AGTPBP1: variants seen among roughly 807,000 people sequenced by gnomAD.
AGTPBP1 encodes the protein cytosolic carboxypeptidase 1.
Under a neutral mutation model 143.9 loss-of-function variants are expected in AGTPBP1, and 70 were observed. The ratio of observed to expected loss-of-function variants is 0.49; its 90% confidence interval spans 0.40 to 0.59. The LOEUF (loss-of-function observed/expected upper bound fraction) is 0.59. Ranked by LOEUF, AGTPBP1 falls within the 20% of genes least tolerant of loss-of-function variation. The pLI, the probability that AGTPBP1 is intolerant of heterozygous loss-of-function variation, is 0.00. For missense variants in AGTPBP1, 1,229 were observed against 1,464.5 expected (o/e 0.84, Z 2.62); for synonymous variants, 463 against 500.2 (o/e 0.93, Z 0.99).
chr9:85,762,182 A>T, the AGTPBP1 span, among the ~76,000 whole-genome samples: 2 of 152,132 alleles, frequency 1.3e-5, no homozygotes, highest in African/African-American at 4.8e-5. Flanking sequence ...GGGACTGTAA[A>T]CTAGTTCAAC....
chr9:85,581,175 C>T (rs998579314), intron 23 of AGTPBP1, among the ~76,000 whole-genome samples: 2 of 152,272 alleles, frequency 1.3e-5, no homozygotes, highest in Middle Eastern at 3.4e-3. Flanking sequence ...CTAAGAGCTG[C>T]AGTAGGTTAC....
chr9:85,748,528 A>G, the AGTPBP1 span, among the ~76,000 whole-genome samples: 3 of 152,130 alleles, frequency 2.0e-5, no homozygotes, highest in African/African-American at 7.2e-5. Flanking sequence ...TGAATTAATG[A>G]TCTTCCTTAC....
chr9:85,670,081 G>A (rs1396641246), intron 7 of AGTPBP1, among the ~76,000 whole-genome samples: 1 of 152,168 alleles, frequency 6.6e-6, no homozygotes, highest in Non-Finnish European at 1.5e-5. Context: ...ATGATGCCTA[G>A]GCTCAGTCTT....
At chr9:85,706,367 C>T (rs532195198) in intron 2 of AGTPBP1, among the ~76,000 whole-genome samples, 2 of 151,538 alleles carry the variant, frequency 1.3e-5, no homozygotes, top group South Asian at 4.2e-4. Context: ...AAAAACTAGC[C>T]AGGCATCGTG....
At chr9:85,584,575 C>G (rs1386239305) in intron 23 of AGTPBP1, among the ~76,000 whole-genome samples, 1 of 152,074 alleles carries the variant, frequency 6.6e-6, no homozygotes, top group Non-Finnish European at 1.5e-5. Flanking sequence ...AGGCTTTGCT[C>G]CACAAAGTTT....
At chr9:85,573,467 C>T (rs1210254637) in intron 25 of AGTPBP1, among the ~76,000 whole-genome samples, 1 of 152,180 alleles carries the variant, frequency 6.6e-6, no homozygotes, top group Non-Finnish European at 1.5e-5. Flanking sequence ...CCTCCACCTC[C>T]CAGCCGCCTG....
Position 85,736,325 on chromosome 9 carries a change from C to A in AGTPBP1, c.-34+5450G>T, listed in dbSNP as rs570978505. On this transcript the variant is annotated intron_variant, in intron 1 of 25. Transcript: ENST00000357081. ...AATTTTTTAACTGGCACATAATAAT[C>A]ATATGTATTTATGAGGCACAGTGAT... Among the ~76,000 whole-genome samples the A allele has an allele frequency of 5.9e-5, 9 of 152,222 alleles. No homozygotes were observed. The South Asian group carries it at 1.9e-3, about 32-fold the overall frequency.
rs1194591463 is a variant in AGTPBP1 at position 85,586,731 on chromosome 9, T to C, written c.3033+100A>G. 3.8e-6 allele frequency: 5 copies of C among 1,314,646 alleles called. No homozygotes were observed. The African/African-American group carries it at 7.3e-5, about 19-fold the overall frequency. 81.4% of individuals were successfully genotyped at this position (1,314,646 alleles called of 1,614,324 possible). A position where few individuals can be genotyped will look rare whatever the true frequency, so the allele number is the denominator to read the frequency against. ...TATAAAATTAAGACAACTAACATAA[T>C]GCATTAATTTGACCTCATGATTATC... On this transcript the variant is annotated intron_variant, in intron 22 of 25. Transcript: ENST00000357081.
At position 85,572,004 on chromosome 9, in the gene AGTPBP1, G is replaced by GTTTTTTTTTTTTTT. The variant is rs55882437; in HGVS notation, c.3503+3297_3503+3310dup. ...TGGCCATTATTAGTTGTTTGTGTGT[G>GTTTTTTTTTTTTTT]TTTTTTTTTTTTTTTTTTTTTTTTT... On this transcript the variant is annotated intron_variant, in intron 25 of 25. Coordinates refer to ENST00000357081, the MANE Select transcript of AGTPBP1 (RefSeq NM_001330701.2). Among the ~76,000 whole-genome samples, 19 of 43,486 alleles carry GTTTTTTTTTTTTTT rather than the reference G, an allele frequency of 4.4e-4. 2 individuals are homozygous for GTTTTTTTTTTTTTT. The highest frequency in any genetic ancestry group is 7.0e-4 in the Non-Finnish European group (14 of 19,978). 28.5% of individuals were successfully genotyped at this position (43,486 alleles called of 152,430 possible). A position where few individuals can be genotyped will look rare whatever the true frequency, so the allele number is the denominator to read the frequency against.
At chr9:85,580,684 T>C (rs1302516356) in intron 23 of AGTPBP1, among the ~76,000 whole-genome samples, 1 of 152,232 alleles carries the variant, frequency 6.6e-6, no homozygotes, top group Non-Finnish European at 1.5e-5. Context: ...CGGTATTTGG[T>C]AGTATCAATT....
the AGTPBP1 span, among the ~76,000 whole-genome samples, chr9:85,771,575 T>C: frequency 3.9e-5 from 6 of 152,204 alleles, no homozygotes; most frequent in African/African-American, 9.6e-5. Context: ...GCTACTGTTA[T>C]TGTTATTGAT....
the AGTPBP1 span, among the ~76,000 whole-genome samples, chr9:85,777,435 A>G: frequency 3.3e-5 from 5 of 152,192 alleles, no homozygotes; most frequent in African/African-American, 1.2e-4. Context: ...TTGGGCACTC[A>G]GCAGTGGCCG....
At chr9:85,687,689 C>A (rs1192264903) in intron 3 of AGTPBP1, among the ~76,000 whole-genome samples, 1 of 151,912 alleles carries the variant, frequency 6.6e-6, no homozygotes, top group African/African-American at 2.4e-5. Flanking sequence ...TACAATATAT[C>A]AAAATCTGTA....
chr9:85,776,019 C>T, the AGTPBP1 span, among the ~76,000 whole-genome samples: 1 of 152,166 alleles, frequency 6.6e-6, no homozygotes, highest in Admixed American at 6.6e-5. Flanking sequence ...AACTCATACA[C>T]ATCTCCTGAG....
chr9:85,590,239 T>C (rs1293920989), intron 19 of AGTPBP1, among the ~76,000 whole-genome samples: 1 of 152,052 alleles, frequency 6.6e-6, no homozygotes, highest in Admixed American at 6.6e-5. Flanking sequence ...TTTTAAAAAT[T>C]TAAAACATCT....
chr9:85,741,736 C>A, intron 1 of AGTPBP1, 39 bp downstream of exon 1: 1 of 1,282,444 alleles, frequency 7.8e-7, no homozygotes, highest in Non-Finnish European at 9.9e-7. Context: ...AGCAGAGGGA[C>A]GGCCGGCCGG....
the AGTPBP1 span, chr9:85,753,519 T>C: frequency 3.3e-6 from 5 of 1,498,888 alleles, no homozygotes; most frequent in African/African-American, 4.2e-5. Context: ...TTTGGGACGC[T>C]GAGGTGGGTG....
rs533146775 is a variant in AGTPBP1, at chr9:85,549,434, T to C, written c.3504-2148A>G. Among the ~76,000 whole-genome samples the C allele has an allele frequency of 2.6e-4, 40 of 152,316 alleles. No individual in the cohort carries two copies. In the South Asian group the frequency reaches 7.2e-3, roughly 28 times the overall value. ...CGGAATTCCAGCCCACCTTTCCCCC[T>C]ATCTGAAAACAAACTTGGCATAAGT... On this transcript the variant is annotated intron_variant, in intron 25 of 25. Transcript: ENST00000357081.
At chr9:85,585,393 T>C (rs1235880271) in intron 23 of AGTPBP1, 70 bp downstream of exon 23, 1 of 1,385,272 alleles carries the variant, frequency 7.2e-7, no homozygotes, top group Non-Finnish European at 9.5e-7. Context: ...GAGTAGTTCA[T>C]ATATGTTCTT....
Sources: allele counts gnomAD v4.1 joint callset (sites outside exome capture counted in the v4.1 genomes callset), GRCh38; gene constraint gnomAD v4.1.1; transcripts MANE v1.5; gene names NCBI Gene and HGNC (gene_info 2026-07-23, HGNC 2026-07-21).